Variants in NRXN3 observed in about 807,000 individuals in gnomAD.
NRXN3 encodes the protein neurexin 3, also known as neurexin III.
NRXN3 carries 32 observed loss-of-function variants against 137.6 expected under a neutral mutation model. The observed-to-expected ratio is 0.23, with a 90% CI of 0.18 to 0.31. The LOEUF is 0.31. Ranked by LOEUF, NRXN3 falls within the 10% of genes least tolerant of loss-of-function variation. NRXN3 has a pLI of 1.00. For missense variants in NRXN3, 1,574 were observed against 2,062.5 expected, an observed-to-expected ratio of 0.76 and a Z score of 4.59; for synonymous variants, 798 against 784.5, an observed-to-expected ratio of 1.02 and a Z score of -0.29.
intron 15 of NRXN3, among the ~76,000 whole-genome samples, chr14:79,039,918 G>A (rs757956777): frequency 2.8e-4 from 43 of 152,090 alleles, no homozygotes; most frequent in Non-Finnish European, 3.8e-4. Flanking sequence ...TGCCCAGGCT[G>A]GTCTCAAACT....
intron 3 of NRXN3, among the ~76,000 whole-genome samples, chr14:78,279,383 G>C (rs1317416275): frequency 6.6e-6 from 1 of 152,186 alleles, no homozygotes; most frequent in Non-Finnish European, 1.5e-5. Flanking sequence ...AACTGATGCA[G>C]GCATTTATGG....
intron 15 of NRXN3, among the ~76,000 whole-genome samples, chr14:79,217,210 A>G (rs2068686295): frequency 6.6e-6 from 1 of 152,212 alleles, no homozygotes; most frequent in Non-Finnish European, 1.5e-5. Flanking sequence ...TATAGGAAGC[A>G]TAGTGTTAGC....
At chr14:79,628,106 CAAATTCTTG>C (rs2098301624) in intron 16 of NRXN3, among the ~76,000 whole-genome samples, 3 of 152,202 alleles carry the variant, frequency 2.0e-5, no homozygotes, top group East Asian at 3.9e-4. Flanking sequence ...AGTTTATAGG[CAAATTCTTG>C]AAATAGAAAG....
intron 4 of NRXN3, among the ~76,000 whole-genome samples, chr14:78,329,976 G>A (rs1011082131): frequency 4.2e-4 from 64 of 152,054 alleles, no homozygotes; most frequent in Non-Finnish European, 1.2e-4. Flanking sequence ...TTGCAGTTAC[G>A]AGCATCAAAA....
intron 4 of NRXN3, among the ~76,000 whole-genome samples, chr14:78,343,195 T>C (rs2082330176): frequency 6.6e-6 from 1 of 152,212 alleles, no homozygotes; most frequent in Non-Finnish European, 1.5e-5. Flanking sequence ...CCAAGTTGAA[T>C]TTTGCTTCTA....
At chr14:79,158,555 C>T (rs545754185) in intron 15 of NRXN3, among the ~76,000 whole-genome samples, 22 of 151,920 alleles carry the variant, frequency 1.4e-4, no homozygotes, top group Admixed American at 9.2e-4. Context: ...TCTTTACTAC[C>T]ATCACTGGTT....
chr14:79,169,556 C>T (rs2061587859), intron 15 of NRXN3, among the ~76,000 whole-genome samples: 1 of 152,092 alleles, frequency 6.6e-6, no homozygotes, highest in African/African-American at 2.4e-5. Context: ...TTTCGTCTCA[C>T]CTAGGTCCAG....
chr14:79,445,485 T>C (rs1456465239), intron 15 of NRXN3, among the ~76,000 whole-genome samples: 1 of 152,178 alleles, frequency 6.6e-6, no homozygotes, highest in Non-Finnish European at 1.5e-5. Flanking sequence ...GGACTTGCAT[T>C]CTAGAAGGAG....
intron 15 of NRXN3, among the ~76,000 whole-genome samples, chr14:79,441,316 C>G (rs2095940663): frequency 6.9e-6 from 1 of 143,998 alleles, no homozygotes; most frequent in Non-Finnish European, 1.5e-5. Context: ...GGGAAATAAA[C>G]AGCTGTCCAA....
intron 15 of NRXN3, among the ~76,000 whole-genome samples, chr14:79,278,771 A>G (rs2080730200): frequency 6.6e-6 from 1 of 152,030 alleles, no homozygotes. Flanking sequence ...CCACCGCTCC[A>G]CCTTCACTTT....
intron 4 of NRXN3, among the ~76,000 whole-genome samples, chr14:78,400,691 A>G (rs1249043324): frequency 6.6e-6 from 1 of 152,140 alleles, no homozygotes; most frequent in Non-Finnish European, 1.5e-5. Flanking sequence ...TTAGTATGTA[A>G]TTGATGGTCT....
At chr14:78,910,522 C>T (rs185626056) in intron 10 of NRXN3, among the ~76,000 whole-genome samples, 1 of 152,028 alleles carries the variant, frequency 6.6e-6, no homozygotes, top group Admixed American at 6.6e-5. Context: ...CCACCTAGAG[C>T]ATTTTCCCCC....
chr14:79,540,600 G>C (rs894175642), intron 16 of NRXN3, among the ~76,000 whole-genome samples: 2 of 152,154 alleles, frequency 1.3e-5, no homozygotes, highest in East Asian at 1.9e-4. Flanking sequence ...AGCCTAGGTA[G>C]GTTGACAAAC....
At chr14:78,760,610 G>A (rs1858140041) in intron 8 of NRXN3, among the ~76,000 whole-genome samples, 1 of 151,462 alleles carries the variant, frequency 6.6e-6, no homozygotes, top group Non-Finnish European at 1.5e-5. Flanking sequence ...GCGGATTGGA[G>A]CCAGCCTAAA....
At chr14:78,287,063 G>T (rs934370494) in intron 3 of NRXN3, among the ~76,000 whole-genome samples, 1 of 152,158 alleles carries the variant, frequency 6.6e-6, no homozygotes, top group African/African-American at 2.4e-5. Flanking sequence ...TGAGATCCAG[G>T]CTCACTAAAC....
At chr14:79,281,199 T>C (rs370796104) in intron 15 of NRXN3, among the ~76,000 whole-genome samples, 1 of 152,178 alleles carries the variant, frequency 6.6e-6, no homozygotes, top group Non-Finnish European at 1.5e-5. Flanking sequence ...GGAAGCAATA[T>C]GTAAGATAAG....
At chr14:78,899,807 G>T (rs1345806795) in intron 10 of NRXN3, among the ~76,000 whole-genome samples, 4 of 151,882 alleles carry the variant, frequency 2.6e-5, no homozygotes, top group Admixed American at 2.0e-4. Context: ...ATATTTGAAT[G>T]AAAATACCTC....
chr14:78,618,399 A>G (rs1261361263), intron 4 of NRXN3, among the ~76,000 whole-genome samples: 1 of 152,034 alleles, frequency 6.6e-6, no homozygotes, highest in Non-Finnish European at 1.5e-5. Flanking sequence ...GCCACTTGAC[A>G]CATATTTACC....
intron 16 of NRXN3, among the ~76,000 whole-genome samples, chr14:79,657,977 C>T (rs902883322): frequency 9.2e-5 from 14 of 152,106 alleles, no homozygotes; most frequent in Admixed American, 2.6e-4. Context: ...ATTTCCATAT[C>T]CATTAATTTA....
Sources: allele counts gnomAD v4.1 joint callset (sites outside exome capture counted in the v4.1 genomes callset), GRCh38; gene constraint gnomAD v4.1.1; transcripts MANE v1.5; gene names NCBI Gene and HGNC (gene_info 2026-07-23, HGNC 2026-07-21).